The following DLG2 variants were observed in gnomAD, a reference collection of about 807,000 sequenced individuals.
The protein encoded by DLG2 is disks large homolog 2.
DLG2 carries 45 observed loss-of-function variants against 132.5 expected under a neutral mutation model. The ratio of observed to expected loss-of-function variants is 0.34; its 90% confidence interval spans 0.27 to 0.44. DLG2 has a LOEUF of 0.44. Ranked by LOEUF, DLG2 falls within the 20% of genes least tolerant of loss-of-function variation. DLG2 has a pLI of 1.00. For synonymous variants in DLG2, 424 were observed against 419.6 expected (o/e 1.01, Z -0.13); for missense variants, 1,045 against 1,196.9 (o/e 0.87, Z 1.87).
chr11:83,474,741 T>A (rs2092445798), intron 22 of DLG2, among the ~76,000 whole-genome samples: 1 of 152,148 alleles, frequency 6.6e-6, no homozygotes, highest in Non-Finnish European at 1.5e-5. Context: ...CAACGGTAGG[T>A]TCTATTTTGT....
chr11:85,192,236 G>A lies in DLG2; in HGVS notation c.187-37585C>T, dbSNP rs532968901. Among the ~76,000 whole-genome samples, 375 of 152,276 alleles carry A rather than the reference G, an allele frequency of 2.5e-3. 2 individuals are homozygous for A. The highest frequency in any genetic ancestry group is 8.8e-3 in the African/African-American group (366 of 41,546). ...GCATTGGTTTCCTCATCTATAAAAT[G>A]AGAATAAAAGTGATAAAGCATGTAT... On this transcript the variant is annotated intron_variant, in intron 4 of 27. Transcript: ENST00000376104.
At chr11:84,639,079 T>A (rs1361712902) in intron 6 of DLG2, among the ~76,000 whole-genome samples, 2 of 152,206 alleles carry the variant, frequency 1.3e-5, no homozygotes, top group Non-Finnish European at 2.9e-5. Context: ...AACTTTTAAA[T>A]TTAGTTATTT....
chr11:85,449,468 TAGG>T lies in DLG2; in HGVS notation c.40+149186_40+149188del, dbSNP rs1223696981. Among the ~76,000 whole-genome samples the T allele has an allele frequency of 2.0e-5, 3 of 152,192 alleles. No homozygotes were observed. The South Asian group carries it at 6.2e-4, about 32-fold the overall frequency. On this transcript the variant is annotated intron_variant, in intron 3 of 27. Transcript: ENST00000376104. ...TTTTAGTTATTATAATTTTCATTTT[TAGG>T]AGGTCTATTTTGTAATTTTTATTTC...
At chr11:83,792,659 A>G (rs955037275) in intron 17 of DLG2, among the ~76,000 whole-genome samples, 2 of 152,122 alleles carry the variant, frequency 1.3e-5, no homozygotes, top group Admixed American at 1.3e-4. Flanking sequence ...TCTAATTTAC[A>G]TATTTCTTCC....
intron 18 of DLG2, among the ~76,000 whole-genome samples, chr11:83,644,642 A>C (rs776403241): frequency 3.3e-5 from 5 of 152,118 alleles, no homozygotes; most frequent in Non-Finnish European, 7.4e-5. Context: ...CCAAACTCAT[A>C]AACAGGAGCT....
intron 7 of DLG2, among the ~76,000 whole-genome samples, chr11:84,512,608 T>G (rs1199786317): frequency 6.6e-6 from 1 of 151,652 alleles, no homozygotes; most frequent in Non-Finnish European, 1.5e-5. Flanking sequence ...AAAGACAGGA[T>G]CCTGAAAGCA....
At chr11:83,637,655 T>C (rs1566186601) in intron 18 of DLG2, among the ~76,000 whole-genome samples, 1 of 152,158 alleles carries the variant, frequency 6.6e-6, no homozygotes, top group Non-Finnish European at 1.5e-5. Flanking sequence ...GTTTAGAATA[T>C]AAGGCTTGTT....
intron 19 of DLG2, among the ~76,000 whole-genome samples, chr11:83,609,036 G>A (rs1408775259): frequency 6.6e-6 from 1 of 152,088 alleles, no homozygotes; most frequent in Non-Finnish European, 1.5e-5. Flanking sequence ...ATACTAGGCT[G>A]AATCATATGA....
intron 7 of DLG2, among the ~76,000 whole-genome samples, chr11:84,344,410 T>C (rs1600267194): frequency 6.6e-6 from 1 of 152,222 alleles, no homozygotes; most frequent in East Asian, 1.9e-4. Flanking sequence ...CACTACATAC[T>C]ATCTACTATT....
intron 6 of DLG2, among the ~76,000 whole-genome samples, chr11:84,924,260 A>G (rs1225178296): frequency 6.6e-6 from 1 of 152,174 alleles, no homozygotes; most frequent in African/African-American, 2.4e-5. Flanking sequence ...GCCGATTCTC[A>G]GCTAGAATTC....
intron 14 of DLG2, among the ~76,000 whole-genome samples, chr11:83,938,246 G>C (rs1356938392): frequency 6.6e-6 from 1 of 152,182 alleles, no homozygotes. Flanking sequence ...GGGACAGCAG[G>C]AAGTGAAAGC....
chr11:83,497,261 G>A (rs577129352), intron 21 of DLG2, among the ~76,000 whole-genome samples: 2 of 152,284 alleles, frequency 1.3e-5, no homozygotes, highest in East Asian at 1.9e-4. Flanking sequence ...GAACCATACC[G>A]GCTGGGCGTG....
chr11:85,049,179 G>A (rs758741212), intron 6 of DLG2, among the ~76,000 whole-genome samples: 1 of 151,936 alleles, frequency 6.6e-6, no homozygotes, highest in Non-Finnish European at 1.5e-5. Flanking sequence ...TAGGGATTCA[G>A]GACTTGCAAA....
chr11:84,553,425 T>A, intron 6 of DLG2, among the ~76,000 whole-genome samples: 1 of 152,174 alleles, frequency 6.6e-6, no homozygotes, highest in East Asian at 1.9e-4. Context: ...ATTTCAGAGA[T>A]ACAAATATTT....
chr11:85,141,080 A>T lies in DLG2; in HGVS notation c.282+13476T>A, dbSNP rs114407632. Among the ~76,000 whole-genome samples the T allele has an allele frequency of 5.7e-3, 863 of 152,026 alleles. 10 individuals carry two copies. Among genetic ancestry groups the T allele is most frequent in the African/African-American group, 0.019 (802 of 41,540 alleles). On this transcript the variant is annotated intron_variant, in intron 5 of 27. Coordinates refer to ENST00000376104, the MANE Select transcript of DLG2 (RefSeq NM_001142699.3). ...CTGATTTCTTTTCTTCTGGATAAAT[A>T]CCTAGCAATGGGATTGCTCAATCAT...
intron 3 of DLG2, among the ~76,000 whole-genome samples, chr11:85,520,597 C>T (rs1431734933): frequency 1.3e-5 from 2 of 150,932 alleles, no homozygotes; most frequent in Non-Finnish European, 1.5e-5. Context: ...AATCACATTA[C>T]TTGACTTCAA....
At chr11:85,150,129 C>T (rs2077137890) in intron 5 of DLG2, among the ~76,000 whole-genome samples, 1 of 149,196 alleles carries the variant, frequency 6.7e-6, no homozygotes. Flanking sequence ...ACGCCATTCT[C>T]CTGCCTCGGC....
At chr11:85,231,513 C>A (rs1229610484) in intron 4 of DLG2, among the ~76,000 whole-genome samples, 1 of 151,846 alleles carries the variant, frequency 6.6e-6, no homozygotes, top group African/African-American at 2.4e-5. Context: ...ATTTTAACAA[C>A]CTTGTTTGCT....
At chr11:84,992,443 A>T (rs776338252) in intron 6 of DLG2, among the ~76,000 whole-genome samples, 9 of 152,230 alleles carry the variant, frequency 5.9e-5, no homozygotes, top group African/African-American at 1.9e-4. Context: ...ATGCTTAAAG[A>T]AGATACTTAA....
Sources: gnomAD v4.1 joint callset for allele counts (sites outside exome capture counted in the v4.1 genomes callset) on GRCh38, gnomAD v4.1.1 for gene constraint, MANE v1.5 for transcripts, NCBI Gene and HGNC (gene_info 2026-07-23, HGNC 2026-07-21) for gene names.